The following CTXND1 variants were observed in gnomAD, a reference collection of about 807,000 sequenced individuals.
CTXND1 encodes cortexin domain containing 1.
chr15:80,232,964 A>C (rs966586865), intron 1 of CTXND1, among the ~76,000 whole-genome samples: 1 of 131,688 alleles, frequency 7.6e-6, no homozygotes. Context: ...TTTTTTTGAG[A>C]CTGAGTCTTG....
intron 1 of CTXND1, among the ~76,000 whole-genome samples, chr15:80,208,243 G>A (rs1893170740): frequency 6.6e-6 from 1 of 152,172 alleles, no homozygotes; most frequent in African/African-American, 2.4e-5. Context: ...TTACTTCACT[G>A]GAAACACACG....
chr15:80,216,293 C>A (rs1054573297), intron 1 of CTXND1, among the ~76,000 whole-genome samples: 1 of 152,162 alleles, frequency 6.6e-6, no homozygotes, highest in Non-Finnish European at 1.5e-5. Flanking sequence ...TAATGCAAAT[C>A]CCCTCTGCGC....
At chr15:80,233,928 A>C (rs1893461714) in intron 1 of CTXND1, among the ~76,000 whole-genome samples, 2 of 152,174 alleles carry the variant, frequency 1.3e-5, no homozygotes, top group South Asian at 2.1e-4. Flanking sequence ...CATAGGTTCC[A>C]TAAGCATGCA....
At chr15:80,204,721 T>C (rs1052189017) in intron 1 of CTXND1, among the ~76,000 whole-genome samples, 1 of 150,572 alleles carries the variant, frequency 6.6e-6, no homozygotes, top group Non-Finnish European at 1.5e-5. Context: ...TCAGGTTGTT[T>C]TCACCTTTTG....
In CTXND1 at chr15:80,201,222, C is replaced by CCCAT. The variant is rs2041447278; in HGVS notation, c.*544_*547dup. Reference sequence around the variant, plus strand: ...TTAAAAAAATACTGCTTGGAAGCAGCCCATATCCTGTGCGTTTTGTGAATT... The same window carrying CCCAT: ...TTAAAAAAATACTGCTTGGAAGCAGCCCATCCATATCCTGTGCGTTTTGTGAATT... On this transcript the variant is annotated 3_prime_UTR_variant, in exon 3 of 3. Transcript: ENST00000560778. The CCCAT allele has an allele frequency of 6.6e-6, 1 of 152,204 alleles. No homozygotes were observed. The highest frequency in any genetic ancestry group is 2.4e-5 in the African/African-American group (1 of 41,422). The allele number at this position is 152,204 out of a possible 1,614,324, so 9.4% of individuals were successfully genotyped here.
At chr15:80,210,294 C>G (rs74492760) in intron 1 of CTXND1, among the ~76,000 whole-genome samples, 7 of 152,182 alleles carry the variant, frequency 4.6e-5, no homozygotes, top group African/African-American at 1.7e-4. Flanking sequence ...AGCATGGATA[C>G]TAAATTAAAT....
rs1893611610 is a variant in CTXND1, at chr15:80,244,937, CT to C, written c.-218+7069del. ...TTGAGAGTTGGGCCTGGAGCTAGTC[CT>C]TGGGTTTTGAATCTCAGCCCAAATC... is the stretch of plus-strand genomic sequence containing the variant. On this transcript the variant is annotated intron_variant, in intron 1 of 2. Transcript: ENST00000560778. Among the ~76,000 whole-genome samples, 4 of 152,266 alleles carry C rather than the reference CT, an allele frequency of 2.6e-5. No homozygotes were observed. The South Asian group carries it at 8.3e-4, about 32-fold the overall frequency.
At chr15:80,249,161 T>C (rs535784531) in intron 1 of CTXND1, among the ~76,000 whole-genome samples, 1 of 152,240 alleles carries the variant, frequency 6.6e-6, no homozygotes, top group South Asian at 2.1e-4. Context: ...CTCTGTTGCC[T>C]AGGCTGGTCT....
chr15:80,238,008 C>CAAAAAAAAAAAAAAAA (rs57718635), intron 1 of CTXND1, among the ~76,000 whole-genome samples: 1 of 77,136 alleles, frequency 1.3e-5, no homozygotes, highest in African/African-American at 5.8e-5. Context: ...GACTCCATCT[C>CAAAAAAAAAAAAAAAA]AAAAAAAAAA....
chr15:80,231,807 A>G (rs371291752), intron 1 of CTXND1, among the ~76,000 whole-genome samples: 41 of 152,320 alleles, frequency 2.7e-4, no homozygotes, highest in East Asian at 2.3e-3. Context: ...CCATCTTACA[A>G]AAAGAGAAAA....
chr15:80,215,191 A>G (rs1056967418), intron 1 of CTXND1, among the ~76,000 whole-genome samples: 7 of 152,170 alleles, frequency 4.6e-5, no homozygotes, highest in African/African-American at 7.2e-5. Context: ...AAGCCACCCA[A>G]TGTTGTCCAG....
At position 80,200,847 on chromosome 15, in the gene CTXND1, G is replaced by T. The variant is rs2041445384; in HGVS notation, c.*923C>A. ...CATTTTGTGTGAGGAAAAAATAGTGGAAAATAATTAAATATGCAACCAAAG... is the reference window on the plus strand; with the variant it reads ...CATTTTGTGTGAGGAAAAAATAGTGTAAAATAATTAAATATGCAACCAAAG... On this transcript the variant is annotated 3_prime_UTR_variant, in exon 3 of 3. Transcript: ENST00000560778. 1 of 152,104 alleles carries T rather than the reference G, an allele frequency of 6.6e-6. No homozygotes were observed. Among genetic ancestry groups the T allele is most frequent in the Non-Finnish European group, 1.5e-5 (1 of 68,030 alleles). 9.4% of individuals were successfully genotyped at this position (152,104 alleles called of 1,614,324 possible).
chr15:80,209,233 C>A (rs745382313), intron 1 of CTXND1, among the ~76,000 whole-genome samples: 4 of 152,224 alleles, frequency 2.6e-5, no homozygotes, highest in African/African-American at 4.8e-5. Context: ...TTCTGCCTTG[C>A]AGTTGGAATG....
At chr15:80,220,894 T>TTTA (rs1329624979) in intron 1 of CTXND1, among the ~76,000 whole-genome samples, 34 of 146,310 alleles carry the variant, frequency 2.3e-4, no homozygotes, top group East Asian at 1.8e-3. Flanking sequence ...TATTAATTAA[T>TTTA]TTATTATTAT....
intron 1 of CTXND1, among the ~76,000 whole-genome samples, chr15:80,237,554 G>A (rs1185438220): frequency 1.3e-5 from 2 of 151,910 alleles, no homozygotes; most frequent in African/African-American, 4.8e-5. Flanking sequence ...GTGATTGTTT[G>A]TGTCTTAGTT....
intron 1 of CTXND1, among the ~76,000 whole-genome samples, chr15:80,210,629 A>G (rs1893194557): frequency 6.6e-6 from 1 of 152,220 alleles, no homozygotes; most frequent in Non-Finnish European, 1.5e-5. Flanking sequence ...GCACCAGCTT[A>G]AGGCCATCCC....
intron 1 of CTXND1, among the ~76,000 whole-genome samples, chr15:80,224,041 A>C (rs12905402): frequency 0.074 from 11,332 of 152,156 alleles, 531 homozygotes; most frequent in Middle Eastern, 0.11. Flanking sequence ...TTCTCTTGGG[A>C]CACTCACTTT....
chr15:80,228,537 C>T (rs1315701567), intron 1 of CTXND1, among the ~76,000 whole-genome samples: 2 of 152,160 alleles, frequency 1.3e-5, no homozygotes, highest in African/African-American at 4.8e-5. Flanking sequence ...AGAAAGGGAG[C>T]TACTGGCCCC....
chr15:80,214,475 G>A (rs1206861476), intron 1 of CTXND1, among the ~76,000 whole-genome samples: 1 of 152,036 alleles, frequency 6.6e-6, no homozygotes, highest in East Asian at 1.9e-4. Context: ...TGACCACAAA[G>A]TAGTAAACAA....
Sources: allele counts gnomAD v4.1 joint callset (sites outside exome capture counted in the v4.1 genomes callset), GRCh38; gene constraint gnomAD v4.1.1; transcripts MANE v1.5; gene names NCBI Gene and HGNC (gene_info 2026-07-23, HGNC 2026-07-21).